FAT3: variants seen among roughly 807,000 people sequenced by gnomAD.
FAT3 encodes protocadherin Fat 3.
FAT3 carries 95 observed loss-of-function variants against 310.2 expected under a neutral mutation model. That is an observed-to-expected ratio of 0.31 (90% CI 0.26 to 0.36). The LOEUF is 0.36. Among genes scored for constraint, FAT3 ranks in the 10% least tolerant of loss-of-function variants. The pLI is 1.00. For synonymous variants in FAT3, 2,314 were observed against 2,192.9 expected (o/e 1.06, Z -1.54); for missense variants, 5,408 against 5,715.6 (o/e 0.95, Z 1.74).
chr11:92,673,880 A>T (rs1943206059), intron 3 of FAT3, among the ~76,000 whole-genome samples: 2 of 152,132 alleles, frequency 1.3e-5, no homozygotes, highest in African/African-American at 2.4e-5. Flanking sequence ...TGTACTTATC[A>T]ATAGAAACAC....
At chr11:92,291,111 A>ACACG (rs1555002195) in intron 1 of FAT3, among the ~76,000 whole-genome samples, 147 of 151,424 alleles carry the variant, frequency 9.7e-4, no homozygotes, top group African/African-American at 3.4e-3. Context: ...ACACACACAC[A>ACACG]CACACATGCA....
At chr11:92,506,483 C>T (rs1169943303) in intron 2 of FAT3, among the ~76,000 whole-genome samples, 3 of 152,150 alleles carry the variant, frequency 2.0e-5, no homozygotes, top group Non-Finnish European at 4.4e-5. Flanking sequence ...AATGTACATA[C>T]AATATAACTA....
At chr11:92,336,027 A>T in intron 1 of FAT3, 1 of 487,276 alleles carries the variant, frequency 2.1e-6, no homozygotes, top group South Asian at 1.6e-5. Context: ...CCACTCAGCA[A>T]CTGGTCAGTT....
intron 3 of FAT3, among the ~76,000 whole-genome samples, chr11:92,632,738 CAG>C (rs1479620915): frequency 6.6e-6 from 1 of 152,170 alleles, no homozygotes; most frequent in Non-Finnish European, 1.5e-5. Context: ...TGGCAGGAGG[CAG>C]AGAGGCATTG....
chr11:92,650,287 C>T (rs1942328308), intron 3 of FAT3, among the ~76,000 whole-genome samples: 1 of 152,144 alleles, frequency 6.6e-6, no homozygotes, highest in Admixed American at 6.5e-5. Context: ...AAGATCTTAA[C>T]TTCCTGATGA....
intron 4 of FAT3, among the ~76,000 whole-genome samples, chr11:92,713,097 G>T (rs1944575501): frequency 6.6e-6 from 1 of 152,202 alleles, no homozygotes; most frequent in African/African-American, 2.4e-5. Context: ...GCAAGTTGGT[G>T]AAAAATACAG....
At chr11:92,413,275 T>TC (rs1950336561) in intron 2 of FAT3, among the ~76,000 whole-genome samples, 1 of 152,146 alleles carries the variant, frequency 6.6e-6, no homozygotes, top group African/African-American at 2.4e-5. Flanking sequence ...GGGCCCATGA[T>TC]CATCTATAAA....
chr11:92,892,352 C>G lies in FAT3; in HGVS notation c.*1239C>G, dbSNP rs911543053. On this transcript the variant is annotated 3_prime_UTR_variant, in exon 28 of 28. Transcript: ENST00000525166. ...TATGGTGTTAGAGAAACATCAAATG[C>G]CATATTTTACTCTGGTTCAGTTAAC... The G allele has an allele frequency of 7.2e-5, 11 of 152,030 alleles. No individual in the cohort carries two copies. The highest frequency in any genetic ancestry group is 2.7e-4 in the African/African-American group (11 of 41,402). 9.4% of individuals were successfully genotyped at this position (152,030 alleles called of 1,614,324 possible).
chr11:92,657,952 T>C (rs1319793695), intron 3 of FAT3, among the ~76,000 whole-genome samples: 1 of 152,186 alleles, frequency 6.6e-6, no homozygotes, highest in African/African-American at 2.4e-5. Context: ...ATAGGAGCCA[T>C]ATATGTAATT....
intron 4 of FAT3, among the ~76,000 whole-genome samples, chr11:92,715,825 G>A (rs1944664676): frequency 6.6e-6 from 1 of 151,906 alleles, no homozygotes; most frequent in Non-Finnish European, 1.5e-5. Context: ...CAACGTAAAA[G>A]AAGAGAACAC....
Position 92,815,809 on chromosome 11 carries a change from C to G in FAT3, c.9481+5733C>G, listed in dbSNP as rs116197891. On this transcript the variant is annotated intron_variant, in intron 13 of 27. Transcript: ENST00000525166. ...GAAACATGGGGACACATTGGGAATT[C>G]AAGTGTGAACCTCCAGAAGGAAGTC... Among the ~76,000 whole-genome samples the G allele has an allele frequency of 3.4e-3, 510 of 152,230 alleles. 2 individuals are homozygous for G. Among genetic ancestry groups the G allele is most frequent in the African/African-American group, 0.011 (476 of 41,536 alleles).
At chr11:92,306,613 A>ATATATTTATAT (rs1464588506) in intron 1 of FAT3, among the ~76,000 whole-genome samples, 3 of 124,224 alleles carry the variant, frequency 2.4e-5, no homozygotes, top group African/African-American at 9.3e-5. Flanking sequence ...TATTTATATT[A>ATATATTTATAT]TATATTTATA....
In FAT3 at chr11:92,790,141, G is replaced by A; in HGVS notation, c.4534G>A (p.Asp1512Asn). ...CATCAGCATGAGAAAATTCCGGATT[G>A]ACCCTAGCACTGGCGTGCTCTATAC... ...DSISMRKFRI[D>N]PSTGVLYTAE... Residue 1512 changes from aspartate (D) to asparagine (N), a missense_variant, in exon 8 of 28, where the codon GAC (aspartate) becomes AAC (asparagine). Physicochemically the swap from Asp to Asn is conservative, Grantham distance 23. Transcript: ENST00000525166. 6.2e-7 allele frequency: 1 copy of A among 1,613,740 alleles called. No homozygotes were observed. Among genetic ancestry groups the A allele is most frequent in the Non-Finnish European group, 8.5e-7 (1 of 1,179,726 alleles).
Position 92,801,466 on chromosome 11 carries a change from G to C in FAT3, c.8453G>C (p.Ser2818Thr). 6.2e-7 allele frequency: 1 copy of C among 1,613,718 alleles called. No homozygotes were observed. The highest frequency in any genetic ancestry group is 8.5e-7 in the Non-Finnish European group (1 of 1,179,794). ...AACAAGCCAGTCTTTGAAACTTCAA[G>C]CTATGACACCATTATAATGGAAGGG... Reference protein sequence around the residue: ...NDNKPVFETSSYDTIIMEGMP... With the variant: ...NDNKPVFETSTYDTIIMEGMP... Residue 2818 changes from serine to threonine, a missense_variant, in exon 10 of 28, where the codon AGC (serine) becomes ACC (threonine). Transcript: ENST00000525166.
chr11:92,296,971 G>T (rs1184538765), intron 1 of FAT3, among the ~76,000 whole-genome samples: 4 of 152,074 alleles, frequency 2.6e-5, no homozygotes, highest in Non-Finnish European at 5.9e-5. Flanking sequence ...TAAAGCCTCT[G>T]TATGCATCCA....
intron 2 of FAT3, among the ~76,000 whole-genome samples, chr11:92,512,510 A>T (rs7942848): frequency 0.65 from 95,607 of 146,608 alleles, 31,380 homozygotes; most frequent in East Asian, 0.81. Flanking sequence ...CTCAAAAAAA[A>T]ATATATATAA....
At chr11:92,356,317 A>G (rs1948730187) in intron 2 of FAT3, among the ~76,000 whole-genome samples, 1 of 152,190 alleles carries the variant, frequency 6.6e-6, no homozygotes, top group South Asian at 2.1e-4. Flanking sequence ...TCTTGTTTAA[A>G]TGGTAATATT....
chr11:92,532,303 A>G (rs1445582211), intron 3 of FAT3, among the ~76,000 whole-genome samples: 1 of 152,126 alleles, frequency 6.6e-6, no homozygotes, highest in Non-Finnish European at 1.5e-5. Context: ...CTTCTACACA[A>G]CTGACCATTC....
intron 3 of FAT3, among the ~76,000 whole-genome samples, chr11:92,679,404 A>G (rs1240038571): frequency 6.6e-6 from 1 of 152,044 alleles, no homozygotes; most frequent in Non-Finnish European, 1.5e-5. Flanking sequence ...CTAAACTAAT[A>G]TACATTCCCT....
Sources: gnomAD v4.1 joint callset for allele counts (sites outside exome capture counted in the v4.1 genomes callset) on GRCh38, gnomAD v4.1.1 for gene constraint, MANE v1.5 for transcripts, NCBI Gene and HGNC (gene_info 2026-07-23, HGNC 2026-07-21) for gene names.